The following PTPRK variants were observed in gnomAD, a reference collection of about 807,000 sequenced individuals.
PTPRK encodes receptor-type tyrosine-protein phosphatase kappa.
In PTPRK, 75 loss-of-function variants were observed where a neutral mutation model predicts 178.0. That is an observed-to-expected ratio of 0.42 (90% CI 0.35 to 0.51). The LOEUF is 0.51. PTPRK is among the 20% of genes least tolerant of loss of function. The probability of loss-of-function intolerance (pLI) is 0.02; values close to 1 mark genes in which losing one functional copy is unlikely to be tolerated. For missense variants in PTPRK, 1,441 were observed against 1,797.8 expected (o/e 0.80, Z 3.59); for synonymous variants, 637 against 620.6 (o/e 1.03, Z -0.39).
intron 1 of PTPRK, among the ~76,000 whole-genome samples, chr6:128,486,782 AAGAAAGAC>A (rs763554309): frequency 1.4e-4 from 21 of 152,096 alleles, no homozygotes; most frequent in African/African-American, 4.3e-4. Flanking sequence ...TGTAGAAAGA[AAGAAAGAC>A]AGAAAGACAG....
At chr6:128,333,712 A>G (rs1403353364) in intron 2 of PTPRK, among the ~76,000 whole-genome samples, 3 of 152,140 alleles carry the variant, frequency 2.0e-5, no homozygotes, top group Non-Finnish European at 4.4e-5. Flanking sequence ...TCTCCCTGTC[A>G]GCAATAAGGC....
At chr6:128,077,473 T>C (rs943924017) in intron 11 of PTPRK, among the ~76,000 whole-genome samples, 1 of 152,068 alleles carries the variant, frequency 6.6e-6, no homozygotes, top group African/African-American at 2.4e-5. Flanking sequence ...TCAATACATT[T>C]CTTAAATTAA....
rs796870716 is a variant in PTPRK, at chr6:128,354,231, G to T, written c.224-31921C>A. On this transcript the variant is annotated intron_variant, in intron 2 of 29. Coordinates refer to ENST00000368226, the MANE Select transcript of PTPRK (RefSeq NM_002844.4). ...ACATGTATTTTGGTTTTTTGTTTAT[G>T]TTTTTTTTTTTTTTTTTTTTTTTTG... is the stretch of plus-strand genomic sequence containing the variant. 4.3e-3 allele frequency among the ~76,000 whole-genome samples: 213 copies of T among 49,304 alleles called. 2 individuals are homozygous for T. The highest frequency in any genetic ancestry group is 0.029 in the Middle Eastern group (1 of 34). 32.3% of individuals were successfully genotyped at this position (49,304 alleles called of 152,430 possible).
intron 1 of PTPRK, among the ~76,000 whole-genome samples, chr6:128,406,158 G>A (rs1841626604): frequency 6.6e-6 from 1 of 151,918 alleles, no homozygotes; most frequent in African/African-American, 2.4e-5. Flanking sequence ...AGCTACCCGA[G>A]AGGCTGATTA....
intron 13 of PTPRK, among the ~76,000 whole-genome samples, chr6:128,060,548 T>C (rs938687680): frequency 1.1e-4 from 16 of 152,144 alleles, no homozygotes; most frequent in Non-Finnish European, 4.4e-5. Context: ...GTCCTTCACA[T>C]TGAAATGTGA....
chr6:128,465,679 C>T (rs1849757355), intron 1 of PTPRK, among the ~76,000 whole-genome samples: 1 of 152,162 alleles, frequency 6.6e-6, no homozygotes, highest in Non-Finnish European at 1.5e-5. Flanking sequence ...AGGTGTCTCT[C>T]TCAACTTGTC....
At chr6:128,075,251 C>G (rs964503078) in intron 11 of PTPRK, among the ~76,000 whole-genome samples, 4 of 152,048 alleles carry the variant, frequency 2.6e-5, no homozygotes, top group African/African-American at 9.7e-5. Context: ...AGTCCATTCT[C>G]TATGTTTCTA....
intron 7 of PTPRK, among the ~76,000 whole-genome samples, chr6:128,144,193 T>C (rs568383383): frequency 1.3e-5 from 2 of 152,304 alleles, no homozygotes. Flanking sequence ...AGATTATCTA[T>C]AGTGAAGGAC....
At chr6:128,512,732 T>C (rs1857373234) in intron 1 of PTPRK, among the ~76,000 whole-genome samples, 1 of 152,202 alleles carries the variant, frequency 6.6e-6, no homozygotes, top group South Asian at 2.1e-4. Flanking sequence ...TTGAGAAAAC[T>C]GACAAGAATC....
At chr6:128,129,966 GATA>G (rs780598785) in intron 7 of PTPRK, among the ~76,000 whole-genome samples, 1 of 152,112 alleles carries the variant, frequency 6.6e-6, no homozygotes, top group Non-Finnish European at 1.5e-5. Context: ...AGTGTCATCA[GATA>G]ATGTCACATT....
At chr6:128,331,206 T>C (rs1349255356) in intron 2 of PTPRK, among the ~76,000 whole-genome samples, 1 of 152,210 alleles carries the variant, frequency 6.6e-6, no homozygotes, top group African/African-American at 2.4e-5. Flanking sequence ...CAGTTTGAAG[T>C]TGGATGTTTT....
intron 3 of PTPRK, among the ~76,000 whole-genome samples, chr6:128,307,520 A>C (rs1368763286): frequency 1.3e-5 from 2 of 151,736 alleles, no homozygotes; most frequent in Admixed American, 1.3e-4. Context: ...TGTCCAAAGA[A>C]CTATAAGAAA....
At chr6:128,509,838 T>C (rs553359101) in intron 1 of PTPRK, among the ~76,000 whole-genome samples, 4 of 152,190 alleles carry the variant, frequency 2.6e-5, no homozygotes, top group African/African-American at 9.6e-5. Context: ...TCCAAAGGCA[T>C]TGGTTCTGAG....
chr6:128,296,500 AG>A (rs1824419121), intron 3 of PTPRK, among the ~76,000 whole-genome samples: 1 of 152,250 alleles, frequency 6.6e-6, no homozygotes, highest in African/African-American at 2.4e-5. Context: ...CACAAAGGGA[AG>A]CCCATCAGAC....
At chr6:127,979,139 T>C (rs1438250482) in intron 25 of PTPRK, among the ~76,000 whole-genome samples, 1 of 152,132 alleles carries the variant, frequency 6.6e-6, no homozygotes, top group Non-Finnish European at 1.5e-5. Context: ...TAGCTGGGCA[T>C]GATGGCATAC....
intron 7 of PTPRK, among the ~76,000 whole-genome samples, chr6:128,136,219 C>T (rs1302469341): frequency 6.6e-6 from 1 of 152,166 alleles, no homozygotes; most frequent in Admixed American, 6.5e-5. Context: ...AGACTTGCAG[C>T]CTCCAGAACC....
At chr6:128,082,717 G>A in intron 9 of PTPRK, 79 bp from the exon 10 acceptor site, 1 of 1,042,386 alleles carries the variant, frequency 9.6e-7, no homozygotes. Context: ...AAATAAGGTA[G>A]TATGCAAGGG....
In PTPRK at chr6:128,239,078, T is replaced by TAAAAA. The variant is rs144377254; in HGVS notation, c.693+952_693+956dup. Reference sequence around the variant, plus strand: ...ACTTTCACCTATCTAAAGGATGTAGTAAAAAAAAAATCATGATGCCTATGT... The same window carrying TAAAAA: ...ACTTTCACCTATCTAAAGGATGTAGTAAAAAAAAAAAAAAATCATGATGCCTATGT... On this transcript the variant is annotated intron_variant, in intron 5 of 29. Coordinates refer to ENST00000368226, the MANE Select transcript of PTPRK (RefSeq NM_002844.4). Among the ~76,000 whole-genome samples the TAAAAA allele has an allele frequency of 2.8e-5, 4 of 144,630 alleles. No homozygotes were observed. The East Asian group carries it at 6.0e-4, about 22-fold the overall frequency. The allele number at this position is 144,630 out of a possible 152,430, so 94.9% of individuals were successfully genotyped here.
At chr6:128,230,097 A>G (rs949889964) in intron 5 of PTPRK, among the ~76,000 whole-genome samples, 1 of 152,210 alleles carries the variant, frequency 6.6e-6, no homozygotes, top group African/African-American at 2.4e-5. Context: ...CTGTTATTAT[A>G]CCAAACACCA....
Sources: gnomAD v4.1 joint callset for allele counts (sites outside exome capture counted in the v4.1 genomes callset) on GRCh38, gnomAD v4.1.1 for gene constraint, MANE v1.5 for transcripts, NCBI Gene and HGNC (gene_info 2026-07-23, HGNC 2026-07-21) for gene names.